Variants in DNAH8 observed in about 807,000 individuals in gnomAD.
DNAH8 encodes dynein axonemal heavy chain 8.
A neutral mutation model predicts 562.1 loss-of-function variants in DNAH8; 382 were observed. That is an observed-to-expected ratio of 0.68 (90% confidence interval 0.63 to 0.74). The LOEUF is 0.74. Ranked by LOEUF, DNAH8 falls within the 30% of genes least tolerant of loss-of-function variation. The pLI is 0.00. For synonymous variants in DNAH8, 1,881 were observed against 1,919.4 expected (o/e 0.98, Z 0.52); for missense variants, 5,203 against 5,620.4 (o/e 0.93, Z 2.37).
intron 9 of DNAH8, among the ~76,000 whole-genome samples, chr6:38,750,983 A>G (rs1765399329): frequency 6.6e-6 from 1 of 152,206 alleles, no homozygotes; most frequent in Non-Finnish European, 1.5e-5. Context: ...TGCAAGACAA[A>G]TATTAATATA....
intron 20 of DNAH8, among the ~76,000 whole-genome samples, chr6:38,790,817 C>G (rs145266837): frequency 1.3e-5 from 2 of 149,984 alleles, no homozygotes; most frequent in African/African-American, 4.9e-5. Flanking sequence ...GGCAAGACTC[C>G]GTCTAAAAAA....
At chr6:38,898,465 C>A in intron 61 of DNAH8, 85 bp downstream of exon 61, 1 of 1,176,840 alleles carries the variant, frequency 8.5e-7, no homozygotes, top group African/African-American at 1.6e-5. Flanking sequence ...GAGAGAATAA[C>A]TATATACTAT....
intron 24 of DNAH8, among the ~76,000 whole-genome samples, chr6:38,810,852 G>C (rs1254139128): frequency 6.6e-6 from 1 of 152,098 alleles, no homozygotes; most frequent in African/African-American, 2.4e-5. Context: ...ATCTGTGAGA[G>C]GTAGACTCTT....
intron 8 of DNAH8, among the ~76,000 whole-genome samples, chr6:38,742,581 C>T (rs1032574800): frequency 8.6e-5 from 13 of 152,026 alleles, no homozygotes; most frequent in Non-Finnish European, 1.3e-4. Context: ...GGATTACAGG[C>T]GTGAGCAACC....
chr6:38,866,357 C>A (rs1032160319), intron 45 of DNAH8, among the ~76,000 whole-genome samples: 2 of 151,960 alleles, frequency 1.3e-5, no homozygotes, highest in Non-Finnish European at 2.9e-5. Context: ...ACAATTTTGC[C>A]ACACAAAATT....
intron 73 of DNAH8, among the ~76,000 whole-genome samples, chr6:38,924,478 T>G (rs745578085): frequency 6.6e-6 from 1 of 151,854 alleles, no homozygotes; most frequent in East Asian, 1.9e-4. Flanking sequence ...CACTCCAGAC[T>G]GGGCAACAAG....
intron 74 of DNAH8, chr6:38,928,020 G>C (rs1412042990): frequency 6.6e-6 from 1 of 152,088 alleles, no homozygotes. Flanking sequence ...TTATGCCCAG[G>C]GCTGTGGTCA....
Position 38,949,672 on chromosome 6 carries a change from A to C in DNAH8, c.12248+102A>C, listed in dbSNP as rs1761724655. 10 of 707,762 alleles carry C rather than the reference A, an allele frequency of 1.4e-5. No individual in the cohort carries two copies. The Admixed American group carries it at 2.3e-4, about 16-fold the overall frequency. The allele number at this position is 707,762 out of a possible 1,614,324, so 43.8% of individuals were successfully genotyped here. A position where few individuals can be genotyped will look rare whatever the true frequency, so the allele number is the denominator to read the frequency against. ...ACTTCACTATATCACTGTCATTGAAAGTAACGGCAAAAACCGCAATTACTT... is the reference window on the plus strand; with the variant it reads ...ACTTCACTATATCACTGTCATTGAACGTAACGGCAAAAACCGCAATTACTT... On this transcript the variant is annotated intron_variant, in intron 81 of 92. Transcript: ENST00000327475.
chr6:38,816,258 T>A (rs1772265024), intron 26 of DNAH8, among the ~76,000 whole-genome samples: 1 of 151,960 alleles, frequency 6.6e-6, no homozygotes, highest in Non-Finnish European at 1.5e-5. Flanking sequence ...ACCAACAGGC[T>A]CCAGTATGTG....
intron 58 of DNAH8, among the ~76,000 whole-genome samples, chr6:38,892,437 C>A (rs183260722): frequency 6.6e-6 from 1 of 152,270 alleles, no homozygotes; most frequent in East Asian, 1.9e-4. Context: ...AGTAGCAGCA[C>A]CAGTTATCCT....
Position 38,894,865 on chromosome 6 carries a change from G to T in DNAH8, c.8747+1G>T, listed in dbSNP as rs1168554927. On this transcript the variant is annotated splice_donor_variant, in intron 59 of 92. Transcript: ENST00000327475. LOFTEE classifies it high-confidence loss of function. ...AGTGCAGCAGAGTAATTGCAGACAGGTGCGTGTTGCGGCACTAGAGTTTAA... is the reference window on the plus strand; with the variant it reads ...AGTGCAGCAGAGTAATTGCAGACAGTTGCGTGTTGCGGCACTAGAGTTTAA... 1.9e-6 allele frequency: 3 copies of T among 1,612,456 alleles called. No homozygotes were observed. The highest frequency in any genetic ancestry group is 2.2e-5 in the South Asian group (2 of 90,574).
intron 21 of DNAH8, 50 bp from the exon 22 acceptor site, chr6:38,803,129 G>A: frequency 7.4e-7 from 1 of 1,343,308 alleles, no homozygotes; most frequent in Non-Finnish European, 1.0e-6. Flanking sequence ...AATTTTCACA[G>A]TGTTACTTTT....
At chr6:38,944,455 A>G (rs1783691265) in intron 79 of DNAH8, among the ~76,000 whole-genome samples, 1 of 152,206 alleles carries the variant, frequency 6.6e-6, no homozygotes. Context: ...TGATTTGTGA[A>G]CTGGAAGGAA....
At chr6:38,782,951 T>C in intron 16 of DNAH8, 53 bp from the exon 17 acceptor site, 1 of 1,483,336 alleles carries the variant, frequency 6.7e-7, no homozygotes, top group Non-Finnish European at 9.3e-7. Context: ...ATTATTTGGA[T>C]ATAAAAACAT....
At chr6:38,876,081 T>G (rs1300915469) in intron 53 of DNAH8, among the ~76,000 whole-genome samples, 1 of 152,204 alleles carries the variant, frequency 6.6e-6, no homozygotes, top group Non-Finnish European at 1.5e-5. Flanking sequence ...AAGTTAGTAA[T>G]ACCTTGTACA....
At chr6:38,787,448 G>A (rs765704352) in intron 18 of DNAH8, among the ~76,000 whole-genome samples, 7 of 151,926 alleles carry the variant, frequency 4.6e-5, no homozygotes, top group Non-Finnish European at 5.9e-5. Flanking sequence ...ATGTACTGCC[G>A]GGTGCAGTGG....
At chr6:38,746,727 G>A (rs1312917382) in intron 8 of DNAH8, among the ~76,000 whole-genome samples, 3 of 152,074 alleles carry the variant, frequency 2.0e-5, no homozygotes, top group Admixed American at 6.6e-5. Context: ...TCAGGAGTTC[G>A]AGACCAGCCT....
Position 39,012,442 on chromosome 6 carries a change from C to T in DNAH8, c.13525-6C>T. ...TATTCATGTGTTTTAACTTTTTCTT[C>T]TCCAGAATCTGAGAGATGCTCTGGA... is the stretch of plus-strand genomic sequence containing the variant. On this transcript the variant is annotated splice_region_variant and splice_polypyrimidine_tract_variant and intron_variant, in intron 90 of 92. Coordinates refer to ENST00000327475, the MANE Select transcript of DNAH8 (RefSeq NM_001206927.2). The T allele has an allele frequency of 6.8e-6, 11 of 1,610,892 alleles. No individual in the cohort carries two copies. Among genetic ancestry groups the T allele is most frequent in the Non-Finnish European group, 9.3e-6 (11 of 1,177,568 alleles).
intron 53 of DNAH8, among the ~76,000 whole-genome samples, chr6:38,882,199 C>G (rs1158475147): frequency 1.3e-5 from 2 of 152,156 alleles, no homozygotes; most frequent in Non-Finnish European, 2.9e-5. Flanking sequence ...ACCCACCAAT[C>G]TCATTATTGG....
Sources: gnomAD v4.1 joint callset for allele counts (sites outside exome capture counted in the v4.1 genomes callset) on GRCh38, gnomAD v4.1.1 for gene constraint, MANE v1.5 for transcripts, NCBI Gene and HGNC (gene_info 2026-07-23, HGNC 2026-07-21) for gene names.